Variants in INMT observed in about 807,000 individuals in gnomAD.
The protein encoded by INMT is indolethylamine N-methyltransferase, also known as amine N-methyltransferase.
A neutral mutation model predicts 11.5 loss-of-function variants in INMT; 11 were observed. That is an observed-to-expected ratio of 0.95 (90% CI 0.60 to 1.58). The LOEUF (loss-of-function observed/expected upper bound fraction) is 1.58, where lower values mean the gene tolerates loss of function less well. INMT is among the 40% of genes most tolerant of loss of function. The pLI is 0.00. For missense variants in INMT, 316 were observed against 336.1 expected, an observed-to-expected ratio of 0.94 and a Z score of 0.47; for synonymous variants, 155 against 142.9, an observed-to-expected ratio of 1.08 and a Z score of -0.60.
chr7:30,754,805 C>T lies in INMT; in HGVS notation c.363-617C>T, dbSNP rs999511173. Among the ~76,000 whole-genome samples the T allele has an allele frequency of 5.3e-5, 8 of 152,154 alleles. No individual in the cohort carries two copies. The highest frequency in any genetic ancestry group is 1.9e-4 in the East Asian group (1 of 5,200). On this transcript the variant is annotated intron_variant, in intron 2 of 2. Transcript: ENST00000013222. The surrounding 1 kb of genome is among the most constrained non-coding windows in gnomAD (Gnocchi z 4.9). ...GAACTCACCACCCAACCTGAGTACT[C>T]GAATATAATAAAGACTTACCTGTGC...
Position 30,755,739 on chromosome 7 carries a change from A to G in INMT, c.680A>G (p.Asp227Gly), listed in dbSNP as rs778991825. The G allele has an allele frequency of 1.2e-6, 2 of 1,614,196 alleles. No individual in the cohort carries two copies. The highest frequency in any genetic ancestry group is 1.7e-5 in the Admixed American group (1 of 60,030). ...GAGGAGGTGGAGCAGGCTGTCCTGG[A>G]TGCTGGCTTTGACATTGAACAGCTC... ...EKEEVEQAVL[D>G]AGFDIEQLLH... is the part of the protein sequence containing the mutation. Residue 227 changes from aspartate (D) to glycine (G), a missense_variant, in exon 3 of 3, where the codon GAT becomes GGT. Coordinates refer to ENST00000013222, the MANE Select transcript of INMT (RefSeq NM_006774.5).
rs1191251583 is a variant in INMT, at chr7:30,755,559, A to C, written c.500A>C (p.Glu167Ala). 3 of 1,613,454 alleles carry C rather than the reference A, an allele frequency of 1.9e-6. No homozygotes were observed. The highest frequency in any genetic ancestry group is 1.7e-4 in the Middle Eastern group (1 of 6,060). Reference sequence around the variant, plus strand: ...TGTGTGCTCACCCTGCTGGCCATGGAGTGTGCCTGCTGTAGCCTTGATGCC... The same window carrying C: ...TGTGTGCTCACCCTGCTGGCCATGGCGTGTGCCTGCTGTAGCCTTGATGCC... Reference protein sequence around the residue: ...ADCVLTLLAMECACCSLDAYR... With the variant: ...ADCVLTLLAMACACCSLDAYR... The change falls in exon 3 of 3, where the codon GAG becomes GCG. Residue 167 changes from glutamate to alanine, a missense_variant. By Grantham distance (107) the Glu-to-Ala change is moderately radical. Coordinates refer to ENST00000013222, the MANE Select transcript of INMT (RefSeq NM_006774.5).
In INMT at chr7:30,752,193, T is replaced by C. The variant is rs375301063; in HGVS notation, c.43T>C (p.Phe15Leu). 14 of 1,614,066 alleles carry C rather than the reference T, an allele frequency of 8.7e-6. No individual in the cohort carries two copies. In the African/African-American group the frequency reaches 1.9e-4, roughly 22 times the overall value. ...TGGGGGTGATGAGTACCAGAAGCAC[T>C]TCCTGCCCAGGGACTACTTGGCTAC... ...FTGGDEYQKH[F>L]LPRDYLATYY... Residue 15 changes from phenylalanine (F) to leucine (L), a missense_variant, in exon 1 of 3, where the codon TTC (phenylalanine) becomes CTC (leucine). Phe to Leu is a conservative substitution (Grantham distance 22, BLOSUM62 0). Coordinates refer to ENST00000013222, the MANE Select transcript of INMT (RefSeq NM_006774.5).
rs1459618827 is a variant in INMT, at chr7:30,753,627, C to G, written c.155-104C>G. 1.1e-5 allele frequency: 11 copies of G among 981,918 alleles called. 1 individual carries two copies. In the Admixed American group the frequency reaches 2.1e-4, roughly 19 times the overall value. 60.8% of individuals were successfully genotyped at this position (981,918 alleles called of 1,614,324 possible). The stretch of plus-strand genomic sequence containing the variant: ...CTGCCAATCCGTGATAACCACCAAG[C>G]ACGTTTGCCCCTTGGGTAAGACCAG... On this transcript the variant is annotated intron_variant, in intron 1 of 2. Coordinates refer to ENST00000013222, the MANE Select transcript of INMT (RefSeq NM_006774.5).
Position 30,752,200 on chromosome 7 carries a change from C to A in INMT, c.50C>A (p.Pro17His), listed in dbSNP as rs759206087. 1 of 1,613,974 alleles carries A rather than the reference C, an allele frequency of 6.2e-7. No individual in the cohort carries two copies. Among genetic ancestry groups the A allele is most frequent in the South Asian group, 1.1e-5 (1 of 91,078 alleles). The change falls in exon 1 of 3, where the codon CCC becomes CAC. Residue 17 changes from proline to histidine, a missense_variant. Coordinates refer to ENST00000013222, the MANE Select transcript of INMT (RefSeq NM_006774.5). Reference protein sequence around the residue: ...GGDEYQKHFLPRDYLATYYSF... With the variant: ...GGDEYQKHFLHRDYLATYYSF... ...GATGAGTACCAGAAGCACTTCCTGC[C>A]CAGGGACTACTTGGCTACTTACTAC...
At chr7:30,755,274 A>G in intron 2 of INMT, 148 bp from the exon 3 acceptor site, 1 of 676,056 alleles carries the variant, frequency 1.5e-6, no homozygotes, top group Non-Finnish European at 2.5e-6. Flanking sequence ...CTCAGATTGA[A>G]GAAGAGCCTG....
chr7:30,755,440 G>A lies in INMT; in HGVS notation c.381G>A (p.Lys127=). The A allele has an allele frequency of 6.3e-7, 1 of 1,597,534 alleles. No homozygotes were observed. Among genetic ancestry groups the A allele is most frequent in the Non-Finnish European group, 8.5e-7 (1 of 1,178,884 alleles). Residue 127 remains lysine, a synonymous_variant, in exon 3 of 3, where the codon AAG becomes AAA. Transcript: ENST00000013222. ...LEGNSGRWEE[K]EEKLRAAVKR... Reference sequence around the variant, plus strand: ...TCTGCAGCGGCCGATGGGAGGAGAAGGAGGAGAAGCTGCGGGCAGCGGTGA... The same window carrying A: ...TCTGCAGCGGCCGATGGGAGGAGAAAGAGGAGAAGCTGCGGGCAGCGGTGA...
chr7:30,752,384 A>C (rs745443391), intron 1 of INMT, 80 bp downstream of exon 1: 8 of 1,235,304 alleles, frequency 6.5e-6, no homozygotes, highest in Non-Finnish European at 9.3e-6. Context: ...TCCTGGGGGC[A>C]GTCTGGTCTC....
rs375757970 is a variant in INMT, at chr7:30,752,144, G to A, written c.-7G>A. On this transcript the variant is annotated 5_prime_UTR_variant, in exon 1 of 3. Transcript: ENST00000013222. Reference sequence around the variant, plus strand: ...ATAGCAAGGAGGGGGCACATTTCAGGGACACCATGAAGGGTGGCTTCACTG... The same window carrying A: ...ATAGCAAGGAGGGGGCACATTTCAGAGACACCATGAAGGGTGGCTTCACTG... 2.2e-5 allele frequency: 36 copies of A among 1,613,818 alleles called. 2 individuals are homozygous for A. Among genetic ancestry groups the A allele is most frequent in the African/African-American group, 1.9e-4 (14 of 75,024 alleles).
In INMT at chr7:30,755,627, G is replaced by C; in HGVS notation, c.568G>C (p.Gly190Arg). Residue 190 changes from glycine (G) to arginine (R), a missense_variant, in exon 3 of 3, where the codon GGT (glycine) becomes CGT (arginine). Gly to Arg is a moderately radical substitution (Grantham distance 125). Transcript: ENST00000013222. ...CAACCTTGCCTCACTGCTCAAGCCGGGTGGCCACCTGGTGACCACTGTCAC... is the reference window on the plus strand; with the variant it reads ...CAACCTTGCCTCACTGCTCAAGCCGCGTGGCCACCTGGTGACCACTGTCAC... ...LCNLASLLKP[G>R]GHLVTTVTLR... 1 of 1,614,212 alleles carries C rather than the reference G, an allele frequency of 6.2e-7. No individual in the cohort carries two copies. The highest frequency in any genetic ancestry group is 8.5e-7 in the Non-Finnish European group (1 of 1,180,044).
chr7:30,753,681 T>A, intron 1 of INMT, 50 bp from the exon 2 acceptor site: 1 of 1,540,566 alleles, frequency 6.5e-7, no homozygotes, highest in African/African-American at 1.4e-5. Context: ...TGTGTCTGCC[T>A]TGGGTCTCGT....
At position 30,755,393 on chromosome 7, in the gene INMT, C is replaced by T. The variant is rs756767805; in HGVS notation, c.363-29C>T. On this transcript the variant is annotated intron_variant, in intron 2 of 2. Coordinates refer to ENST00000013222, the MANE Select transcript of INMT (RefSeq NM_006774.5). ...GAGTTCCCTTCAGAACCTCAAAGGGCCTCCCCGACTCCCTCTCTCTCTCTG... is the reference window on the plus strand; with the variant it reads ...GAGTTCCCTTCAGAACCTCAAAGGGTCTCCCCGACTCCCTCTCTCTCTCTG... 8.5e-6 allele frequency: 13 copies of T among 1,525,718 alleles called. No homozygotes were observed. In the East Asian group the frequency reaches 3.1e-4, roughly 37 times the overall value. The allele number at this position is 1,525,718 out of a possible 1,614,324, so 94.5% of individuals were successfully genotyped here. A position where few individuals can be genotyped will look rare whatever the true frequency, so the allele number is the denominator to read the frequency against.
Position 30,753,820 on chromosome 7 carries a change from A to G in INMT, c.244A>G (p.Thr82Ala), listed in dbSNP as rs200570990. Residue 82 changes from threonine (T) to alanine (A), a missense_variant, in exon 2 of 3, where the codon ACT becomes GCT. Transcript: ENST00000013222. Reference protein sequence around the residue: ...LAACDSFQDITLSDFTDRNRE... With the variant: ...LAACDSFQDIALSDFTDRNRE... ...TGCCTGTGATTCCTTCCAAGACATCACTCTCTCCGACTTTACCGACCGCAA... is the reference window on the plus strand; with the variant it reads ...TGCCTGTGATTCCTTCCAAGACATCGCTCTCTCCGACTTTACCGACCGCAA... 7.4e-6 allele frequency: 12 copies of G among 1,613,936 alleles called. No homozygotes were observed. The highest frequency in any genetic ancestry group is 1.0e-5 in the Non-Finnish European group (12 of 1,179,994).
chr7:30,752,374 T>A (rs945197034), intron 1 of INMT, 70 bp downstream of exon 1: 1 of 1,359,412 alleles, frequency 7.4e-7, no homozygotes, highest in African/African-American at 1.4e-5. Flanking sequence ...GGAGACGGTG[T>A]CCTGGGGGCA....
chr7:30,753,818 T>A lies in INMT; in HGVS notation c.242T>A (p.Ile81Asn). The A allele has an allele frequency of 6.2e-7, 1 of 1,614,212 alleles. No individual in the cohort carries two copies. The highest frequency in any genetic ancestry group is 8.5e-7 in the Non-Finnish European group (1 of 1,180,040). ...VLAACDSFQDITLSDFTDRNR... is the reference protein window; with the variant it reads ...VLAACDSFQDNTLSDFTDRNR... ...GCTGCCTGTGATTCCTTCCAAGACA[T>A]CACTCTCTCCGACTTTACCGACCGC... Residue 81 changes from isoleucine to asparagine, a missense_variant, in exon 2 of 3, where the codon ATC (isoleucine) becomes AAC (asparagine). Ile to Asn is a moderately radical substitution (Grantham distance 149). Coordinates refer to ENST00000013222, the MANE Select transcript of INMT (RefSeq NM_006774.5).
In INMT at chr7:30,754,270, C is replaced by T. The variant is rs1218593438; in HGVS notation, c.362+332C>T. ...TCTATCTTCTATGTATCTAACTATCCGTGCATATCCATCCATCCGTCCACC... is the reference window on the plus strand; with the variant it reads ...TCTATCTTCTATGTATCTAACTATCTGTGCATATCCATCCATCCGTCCACC... On this transcript the variant is annotated intron_variant, in intron 2 of 2. Coordinates refer to ENST00000013222, the MANE Select transcript of INMT (RefSeq NM_006774.5). This position sits in a 1 kb window ranked among gnomAD's most constrained non-coding sequence, Gnocchi z 4.9. Among the ~76,000 whole-genome samples, 5 of 152,124 alleles carry T rather than the reference C, an allele frequency of 3.3e-5. No individual in the cohort carries two copies. The highest frequency in any genetic ancestry group is 9.7e-5 in the African/African-American group (4 of 41,430).
rs182187181 is a variant in INMT at position 30,757,414 on chromosome 7, C to T, written c.*1563C>T. ...AGATGGACAGGAAGGAGCCAGGACA[C>T]AGCTCAGCTTGCTCACGCCCAGAGA... On this transcript the variant is annotated 3_prime_UTR_variant, in exon 3 of 3. Transcript: ENST00000013222. The T allele has an allele frequency of 8.4e-6, 2 of 238,118 alleles. No individual in the cohort carries two copies. The highest frequency in any genetic ancestry group is 3.1e-4 in the East Asian group (2 of 6,480). 14.8% of individuals were successfully genotyped at this position (238,118 alleles called of 1,614,324 possible).
At chr7:30,753,564 A>G (rs918512885) in intron 1 of INMT, among the ~76,000 whole-genome samples, 167 bp from the exon 2 acceptor site, 7 of 152,262 alleles carry the variant, frequency 4.6e-5, no homozygotes, top group Non-Finnish European at 8.8e-5. Context: ...AAATTAACAC[A>G]TATAAAATAT....
Position 30,754,041 on chromosome 7 carries a change from T to C in INMT, c.362+103T>C. On this transcript the variant is annotated intron_variant, in intron 2 of 2. Transcript: ENST00000013222. This position sits in a 1 kb window ranked among gnomAD's most constrained non-coding sequence, Gnocchi z 4.9. ...CTGACATTTTCAGGACAGTAGGACCTTCAGGTATAGGACCAGATGTCCTGT... is the reference window on the plus strand; with the variant it reads ...CTGACATTTTCAGGACAGTAGGACCCTCAGGTATAGGACCAGATGTCCTGT... The C allele has an allele frequency of 1.7e-6, 2 of 1,167,232 alleles. No individual in the cohort carries two copies. Among genetic ancestry groups the C allele is most frequent in the Non-Finnish European group, 2.5e-6 (2 of 810,736 alleles). The allele number at this position is 1,167,232 out of a possible 1,614,324, so 72.3% of individuals were successfully genotyped here. A position where few individuals can be genotyped will look rare whatever the true frequency, so the allele number is the denominator to read the frequency against.
Sources: gnomAD v4.1 joint callset for allele counts (sites outside exome capture counted in the v4.1 genomes callset) on GRCh38, gnomAD v4.1.1 for gene constraint, Gnocchi (gnomAD v3.1) non-coding constraint, MANE v1.5 for transcripts, NCBI Gene and HGNC (gene_info 2026-07-23, HGNC 2026-07-21) for gene names.